Variants in TRIO observed in about 807,000 individuals in gnomAD.
TRIO encodes trio Rho guanine nucleotide exchange factor.
Under a neutral mutation model 351.9 loss-of-function variants are expected in TRIO, and 58 were observed. The observed-to-expected ratio is 0.16, with a 90% CI of 0.13 to 0.21. The LOEUF (loss-of-function observed/expected upper bound fraction) is 0.21, where lower values mean the gene tolerates loss of function less well. Ranked by LOEUF, TRIO falls within the 10% of genes least tolerant of loss-of-function variation. The probability of loss-of-function intolerance (pLI) is 1.00; values close to 1 mark genes in which losing one functional copy is unlikely to be tolerated. For missense variants in TRIO, 3,201 were observed against 4,027.8 expected, an observed-to-expected ratio of 0.79 and a Z score of 5.56; for synonymous variants, 1,758 against 1,595.7, an observed-to-expected ratio of 1.10 and a Z score of -2.42.
chr5:14,167,198 G>C (rs1338226454), intron 1 of TRIO, among the ~76,000 whole-genome samples: 2 of 151,354 alleles, frequency 1.3e-5, no homozygotes, highest in South Asian at 2.1e-4. Context: ...GTTGATTTCT[G>C]TTTCCTAATG....
rs561868959 is a variant in TRIO, at chr5:14,290,946, C to G, written c.771C>G (p.Ile257Met). 1.9e-5 allele frequency: 30 copies of G among 1,614,000 alleles called. No individual in the cohort carries two copies. Among genetic ancestry groups the G allele is most frequent in the East Asian group, 1.1e-4 (5 of 44,896 alleles). ...PQDLEGARNM[I>M]EEHSQLKKKV... is the part of the protein sequence containing the mutation. The stretch of plus-strand genomic sequence containing the variant: ...ATTTAGAGGGGGCTCGGAATATGAT[C>G]GAGGAACATTCTCAGCTGAAGAAGA... Residue 257 changes from isoleucine (I) to methionine (M), a missense_variant, in exon 5 of 57, where the codon ATC becomes ATG. Physicochemically the swap from Ile to Met is conservative, Grantham distance 10. This residue lies in a region of TRIO where 349 missense variants were observed against 449.3 expected (regional missense o/e 0.78). Coordinates refer to ENST00000344204, the MANE Select transcript of TRIO (RefSeq NM_007118.4).
intron 31 of TRIO, among the ~76,000 whole-genome samples, chr5:14,403,720 T>G (rs370366460): frequency 9.7e-3 from 271 of 28,052 alleles, no homozygotes; most frequent in African/African-American, 0.01. Flanking sequence ...GGGTGTAGGT[T>G]GTGGTGAGGG....
At chr5:14,498,946 C>A in intron 53 of TRIO, 1 of 299,134 alleles carries the variant, frequency 3.3e-6, no homozygotes, top group Middle Eastern at 1.1e-3. Flanking sequence ...GGGCCCCCCA[C>A]GACCAGCTTC....
At chr5:14,354,696 C>T (rs552524023) in intron 11 of TRIO, among the ~76,000 whole-genome samples, 2 of 152,340 alleles carry the variant, frequency 1.3e-5, no homozygotes, top group Non-Finnish European at 1.5e-5. Context: ...ACATAAAGTG[C>T]AGAGGCAGCA....
At chr5:14,169,907 T>C (rs1788996712) in intron 1 of TRIO, among the ~76,000 whole-genome samples, 1 of 152,208 alleles carries the variant, frequency 6.6e-6, no homozygotes, top group Non-Finnish European at 1.5e-5. Flanking sequence ...TTAGAAAGGC[T>C]TTATTACTAA....
intron 33 of TRIO, among the ~76,000 whole-genome samples, chr5:14,416,543 A>G (rs531130464): frequency 1.3e-5 from 2 of 152,314 alleles, no homozygotes; most frequent in South Asian, 2.1e-4. Flanking sequence ...TTTCTTAACA[A>G]GTTCTTAAAA....
intron 1 of TRIO, among the ~76,000 whole-genome samples, chr5:14,189,832 C>T (rs531512633): frequency 6.6e-6 from 1 of 151,656 alleles, no homozygotes; most frequent in Admixed American, 6.6e-5. Flanking sequence ...CTGGGCTCAA[C>T]CTGTCTCAGC....
chr5:14,182,177 T>C (rs566898984), intron 1 of TRIO, among the ~76,000 whole-genome samples: 18 of 152,130 alleles, frequency 1.2e-4, no homozygotes, highest in Non-Finnish European at 2.5e-4. Context: ...AAACGAGACT[T>C]CTCTGTGTTA....
rs760640480 is a variant in TRIO, at chr5:14,316,603, T to C, written c.1591T>C (p.Ser531Pro). ...TTCCCTGACAGCCTCTGCCAACTAC[T>C]CCAAGGCCGTGCACCATGTCCTGGA... ...SDSLTASANYSKAVHHVLDVI... is the reference protein window; with the variant it reads ...SDSLTASANYPKAVHHVLDVI... Residue 531 changes from serine (S) to proline (P), a missense_variant, in exon 9 of 57, where the codon TCC becomes CCC. By Grantham distance (74) the Ser-to-Pro change is moderately conservative (BLOSUM62 -1). Transcript: ENST00000344204. 2 of 1,614,202 alleles carry C rather than the reference T, an allele frequency of 1.2e-6. No homozygotes were observed. The highest frequency in any genetic ancestry group is 3.3e-5 in the Admixed American group (2 of 60,034).
intron 35 of TRIO, 22 bp downstream of exon 35, chr5:14,461,333 G>A (rs1201508128): frequency 6.6e-7 from 1 of 1,519,208 alleles, no homozygotes; most frequent in East Asian, 2.3e-5. Flanking sequence ...CCCGCTGGTT[G>A]GGGCCGGCGT....
intron 46 of TRIO, among the ~76,000 whole-genome samples, chr5:14,483,870 G>A (rs2441203): frequency 1.8e-4 from 28 of 151,664 alleles, no homozygotes; most frequent in Non-Finnish European, 2.7e-4. Context: ...TGAACTGTGC[G>A]CCCATCCCCT....
At chr5:14,159,757 G>C (rs529523627) in intron 1 of TRIO, among the ~76,000 whole-genome samples, 22 of 152,164 alleles carry the variant, frequency 1.4e-4, no homozygotes, top group African/African-American at 4.6e-4. Context: ...AGTAGAGACA[G>C]GGTTTTACCA....
chr5:14,477,273 A>G lies in TRIO; in HGVS notation c.6153+310A>G, dbSNP rs73063506. 1,355 of 243,498 alleles carry G rather than the reference A, an allele frequency of 5.6e-3. 20 individuals carry two copies. The highest frequency in any genetic ancestry group is 0.028 in the African/African-American group (1,248 of 45,058). The allele number at this position is 243,498 out of a possible 1,614,324, so 15.1% of individuals were successfully genotyped here. A position where few individuals can be genotyped will look rare whatever the true frequency, so the allele number is the denominator to read the frequency against. On this transcript the variant is annotated intron_variant, in intron 41 of 56. Coordinates refer to ENST00000344204, the MANE Select transcript of TRIO (RefSeq NM_007118.4). ...GGCAGGTATTGTTGAGTGGAGATGT[A>G]ACTGTACCTGCAGTGGGTTTAACAT...
chr5:14,328,363 A>G (rs1226632412), intron 9 of TRIO, among the ~76,000 whole-genome samples: 2 of 152,248 alleles, frequency 1.3e-5, no homozygotes, highest in African/African-American at 4.8e-5. Flanking sequence ...AAAACAATGC[A>G]CTCGTTAAAG....
chr5:14,155,794 T>C (rs2152117987), intron 1 of TRIO, among the ~76,000 whole-genome samples: 1 of 152,308 alleles, frequency 6.6e-6, no homozygotes, highest in African/African-American at 2.4e-5. Flanking sequence ...GACTTGCAGG[T>C]CTCTCCACCC....
intron 3 of TRIO, 114 bp downstream of exon 3, chr5:14,280,550 A>G (rs1304395442): frequency 2.3e-6 from 2 of 883,526 alleles, no homozygotes; most frequent in East Asian, 5.2e-5. Flanking sequence ...AAGTAGTATA[A>G]AATGAAAGTC....
intron 1 of TRIO, among the ~76,000 whole-genome samples, chr5:14,263,044 T>C (rs1795451493): frequency 6.6e-6 from 1 of 152,240 alleles, no homozygotes; most frequent in African/African-American, 2.4e-5. Flanking sequence ...TGGAGTGCTC[T>C]CTGTTTTCCA....
At chr5:14,390,119 A>G (rs1253093450) in intron 25 of TRIO, 112 bp from the exon 26 acceptor site, 2 of 888,124 alleles carry the variant, frequency 2.3e-6, no homozygotes, top group Non-Finnish European at 3.5e-6. Context: ...GTTAAGAGCT[A>G]CATGTTTTGT....
chr5:14,217,115 C>A (rs1273476807), intron 1 of TRIO, among the ~76,000 whole-genome samples: 1 of 152,158 alleles, frequency 6.6e-6, no homozygotes, highest in Admixed American at 6.5e-5. Flanking sequence ...CTCTGATCAC[C>A]GGTCTTTTAC....
Sources: allele counts gnomAD v4.1 joint callset (sites outside exome capture counted in the v4.1 genomes callset), GRCh38; gene constraint gnomAD v4.1.1; regional missense constraint gnomAD v4.1.1; transcripts MANE v1.5; gene names NCBI Gene and HGNC (gene_info 2026-07-23, HGNC 2026-07-21).